Variants in SYNE2 observed in about 807,000 individuals in gnomAD.
SYNE2 encodes nesprin-2.
A neutral mutation model predicts 856.3 loss-of-function variants in SYNE2; 431 were observed. The observed-to-expected ratio is 0.50, with a 90% CI of 0.47 to 0.55. SYNE2 has a LOEUF of 0.55. Among genes scored for constraint, SYNE2 ranks in the 20% least tolerant of loss-of-function variants. The pLI, the probability that SYNE2 is intolerant of heterozygous loss-of-function variation, is 0.00. For synonymous variants in SYNE2, 2,923 were observed against 2,872.3 expected (o/e 1.02, Z -0.56); for missense variants, 8,129 against 8,023.2 (o/e 1.01, Z -0.50).
In SYNE2 at chr14:64,216,384, C is replaced by T; in HGVS notation, c.19539C>T (p.Pro6513=). 3 of 1,614,178 alleles carry T rather than the reference C, an allele frequency of 1.9e-6. No homozygotes were observed. Among genetic ancestry groups the T allele is most frequent in the South Asian group, 1.1e-5 (1 of 91,088 alleles). ...CGTCCAGCACCCCTTATAAACCACCCTATGTAAGTCTTAACTTCACTGGGA... is the reference window on the plus strand; with the variant it reads ...CGTCCAGCACCCCTTATAAACCACCTTATGTAAGTCTTAACTTCACTGGGA... ...PPASSTPYKP[P]YGKLLLPPGT... is the part of the protein sequence containing the mutation. The change falls in exon 108 of 116, where the codon CCC becomes CCT. Residue 6513 remains proline (P), a synonymous_variant. Transcript: ENST00000555002.
At chr14:64,215,404 C>T (rs1426778073) in intron 107 of SYNE2, 50 bp downstream of exon 107, 1 of 1,569,644 alleles carries the variant, frequency 6.4e-7, no homozygotes, top group African/African-American at 1.4e-5. Context: ...CTGTGGCGCA[C>T]ACTGCATCCT....
Position 64,025,278 on chromosome 14 carries a change from A to G in SYNE2, c.6109A>G (p.Lys2037Glu). Reference sequence around the variant, plus strand: ...ACTAAGTGAAATCGAGGAAGAGGATAAGTTACTACCCACAGAGGACCAGAG... The same window carrying G: ...ACTAAGTGAAATCGAGGAAGAGGATGAGTTACTACCCACAGAGGACCAGAG... ...RQLSEIEEED[K>E]LLPTEDQSFN... is the part of the protein sequence containing the mutation. Residue 2037 changes from lysine to glutamate, a missense_variant, in exon 41 of 116, where the codon AAG becomes GAG. This residue lies in a region of SYNE2 where 2,422 missense variants were observed against 2,357.4 expected (regional missense o/e 1.03). Transcript: ENST00000555002. The G allele has an allele frequency of 6.2e-7, 1 of 1,614,146 alleles. No individual in the cohort carries two copies. Among genetic ancestry groups the G allele is most frequent in the South Asian group, 1.1e-5 (1 of 91,080 alleles).
rs1421664747 is a variant in SYNE2, at chr14:63,996,974, T to C, written c.2968T>C (p.Tyr990His). The change falls in exon 24 of 116, where the codon TAC (tyrosine) becomes CAC (histidine). Residue 990 changes from tyrosine to histidine, a missense_variant. Transcript: ENST00000555002. ...EACFSEEGCL[Y>H]QLNHHMEVLR... ...CTGCTTTTCTGAGGAAGGCTGCCTG[T>C]ACCAGCTTAATCACCACATGGAAGT... 6.2e-7 allele frequency: 1 copy of C among 1,614,146 alleles called. No homozygotes were observed. The highest frequency in any genetic ancestry group is 8.5e-7 in the Non-Finnish European group (1 of 1,180,008).
intron 52 of SYNE2, among the ~76,000 whole-genome samples, chr14:64,073,133 C>T (rs188724151): frequency 6.6e-6 from 1 of 152,200 alleles, no homozygotes; most frequent in East Asian, 1.9e-4. Context: ...TGTAATTGGC[C>T]ATTGGCGATC....
At position 64,137,935 on chromosome 14, in the gene SYNE2, T is replaced by C; in HGVS notation, c.14795T>C (p.Ile4932Thr). 1 of 1,614,080 alleles carries C rather than the reference T, an allele frequency of 6.2e-7. No individual in the cohort carries two copies. Among genetic ancestry groups the C allele is most frequent in the Non-Finnish European group, 8.5e-7 (1 of 1,179,994 alleles). ...CAGTGGTTGTCCCTGAACAAGAAAA[T>C]TGACCATGAGCTCCACAGGCTGCAA... ...EEQWLSLNKK[I>T]DHELHRLQAL... The change falls in exon 79 of 116, where the codon ATT (isoleucine) becomes ACT (threonine). Residue 4932 changes from isoleucine (I) to threonine (T), a missense_variant. Transcript: ENST00000555002.
intron 1 of SYNE2, among the ~76,000 whole-genome samples, chr14:63,898,676 A>G (rs1210930693): frequency 6.6e-6 from 1 of 152,150 alleles, no homozygotes; most frequent in Non-Finnish European, 1.5e-5. Context: ...GAGTGCTGAG[A>G]TTACAGGCAT....
At position 64,051,825 on chromosome 14, in the gene SYNE2, A is replaced by G. The variant is rs2097229609; in HGVS notation, c.7912A>G (p.Thr2638Ala). The G allele has an allele frequency of 6.2e-7, 1 of 1,614,174 alleles. No individual in the cohort carries two copies. Among genetic ancestry groups the G allele is most frequent in the Non-Finnish European group, 8.5e-7 (1 of 1,180,032 alleles). The change falls in exon 48 of 116, where the codon ACT becomes GCT. Residue 2638 changes from threonine to alanine, a missense_variant. Physicochemically the swap from Thr to Ala is moderately conservative, Grantham distance 58. This residue lies in a region of SYNE2 where 5,410 missense variants were observed against 5,284.8 expected (regional missense o/e 1.02). Transcript: ENST00000555002. ...AACCCTCATGAATAAGGTACAGGAC[A>G]CTGAGATTTCTCTGCAACAGCAGCA... The part of the protein sequence containing the change: ...FTTLMNKVQD[T>A]EISLQQQQQH...
chr14:64,189,995 A>T, intron 98 of SYNE2, 76 bp from the exon 99 acceptor site: 1 of 1,490,736 alleles, frequency 6.7e-7, no homozygotes, highest in Non-Finnish European at 9.2e-7. Context: ...TTCAAGAGGT[A>T]ACTCTATGTC....
intron 2 of SYNE2, among the ~76,000 whole-genome samples, chr14:63,913,465 T>C (rs2095497089): frequency 7.3e-6 from 1 of 136,536 alleles, no homozygotes; most frequent in South Asian, 2.2e-4. Context: ...TTTCTTTCTT[T>C]CTTTTTTTTT....
intron 29 of SYNE2, 76 bp from the exon 30 acceptor site, chr14:64,002,644 G>A (rs559620632): frequency 2.0e-6 from 3 of 1,530,426 alleles, no homozygotes; most frequent in African/African-American, 1.4e-5. Flanking sequence ...TAGTCATGCA[G>A]TTTGGGGCTA....
chr14:63,909,101 ACTT>A lies in SYNE2; in HGVS notation c.-43_-41del. On this transcript the variant is annotated 5_prime_UTR_variant, in exon 2 of 116. Coordinates refer to ENST00000555002, the MANE Select transcript of SYNE2 (RefSeq NM_182914.3). ...CATTTATCCATTTCACTTTCAGTTC[ACTT>A]CTTCAACTGAGATGGACATGATATA... 2 of 1,299,670 alleles carry A rather than the reference ACTT, an allele frequency of 1.5e-6. No individual in the cohort carries two copies. Among genetic ancestry groups the A allele is most frequent in the African/African-American group, 1.5e-5 (1 of 68,832 alleles). 80.5% of individuals were successfully genotyped at this position (1,299,670 alleles called of 1,614,324 possible).
chr14:63,948,169 A>ACG (rs2096067093), intron 6 of SYNE2, among the ~76,000 whole-genome samples: 1 of 42,678 alleles, frequency 2.3e-5, no homozygotes, highest in Non-Finnish European at 7.6e-5. Flanking sequence ...ACACACATAC[A>ACG]CACACACACA....
rs1300343209 is a variant in SYNE2 at position 64,052,900 on chromosome 14, T to C, written c.8987T>C (p.Leu2996Ser). The change falls in exon 48 of 116, where the codon TTA (leucine) becomes TCA (serine). Residue 2996 changes from leucine (L) to serine (S), a missense_variant. By Grantham distance (145) the Leu-to-Ser change is moderately radical. Coordinates refer to ENST00000555002, the MANE Select transcript of SYNE2 (RefSeq NM_182914.3). ...CTCACCGCTATTAAGTGTTGCATCT[T>C]ACAGGTATTGAAACTTAAAAAAGTG... is the stretch of plus-strand genomic sequence containing the variant. The part of the protein sequence containing the change: ...DRLTAIKCCI[L>S]QVLKLKKVFD... The C allele has an allele frequency of 1.9e-6, 3 of 1,613,546 alleles. No individual in the cohort carries two copies. The highest frequency in any genetic ancestry group is 1.7e-6 in the Non-Finnish European group (2 of 1,179,868).
upstream of SYNE2, among the ~76,000 whole-genome samples, chr14:63,850,843 C>A (rs1371926694): frequency 1.3e-5 from 2 of 152,074 alleles, no homozygotes; most frequent in African/African-American, 4.8e-5. Flanking sequence ...GAAACAATGA[C>A]TAGGAAATTG....
At chr14:63,777,536 T>C (rs1316677839) in intron 1 of SYNE2, among the ~76,000 whole-genome samples, 1 of 152,016 alleles carries the variant, frequency 6.6e-6, no homozygotes, top group Non-Finnish European at 1.5e-5. Flanking sequence ...CAAAAACAAA[T>C]TGGTGTATGA....
In SYNE2 at chr14:64,020,013, C is replaced by A; in HGVS notation, c.5071C>A (p.Gln1691Lys). Residue 1691 changes from glutamine (Q) to lysine (K), a missense_variant, in exon 35 of 116, where the codon CAA becomes AAA. By Grantham distance (53) the Gln-to-Lys change is moderately conservative. Transcript: ENST00000555002. ...RLKEELQVHE[Q>K]KTSEFSRRVA... is the part of the protein sequence containing the mutation. The stretch of plus-strand genomic sequence containing the variant: ...TTAGGAAGAATTACAAGTCCATGAA[C>A]AAAAAACTTCAGAATTTTCTAGAAG... The A allele has an allele frequency of 1.2e-6, 2 of 1,613,086 alleles. No individual in the cohort carries two copies. Among genetic ancestry groups the A allele is most frequent in the Non-Finnish European group, 8.5e-7 (1 of 1,179,182 alleles).
intron 105 of SYNE2, 189 bp from the exon 106 acceptor site, chr14:64,214,005 C>T (rs1227698965): frequency 3.9e-6 from 3 of 772,042 alleles, no homozygotes; most frequent in Non-Finnish European, 6.0e-6. Context: ...AGATTTTAGG[C>T]CCCACTCCAG....
At chr14:63,832,956 G>A (rs1421460516) in intron 1 of SYNE2, among the ~76,000 whole-genome samples, 1 of 151,348 alleles carries the variant, frequency 6.6e-6, no homozygotes, top group African/African-American at 2.4e-5. Context: ...GGTCAAGGCT[G>A]CAGTGAGCTG....
chr14:64,194,299 CT>C (rs549466331), intron 99 of SYNE2, among the ~76,000 whole-genome samples: 27 of 148,082 alleles, frequency 1.8e-4, no homozygotes, highest in Admixed American at 2.0e-4. Flanking sequence ...CTCTTTTCTT[CT>C]TTTTTTTTTT....
Sources: gnomAD v4.1 joint callset for allele counts (sites outside exome capture counted in the v4.1 genomes callset) on GRCh38, gnomAD v4.1.1 for gene constraint, gnomAD v4.1.1 regional missense constraint, MANE v1.5 for transcripts, NCBI Gene and HGNC (gene_info 2026-07-23, HGNC 2026-07-21) for gene names.